Variants in RAB11FIP5 observed in about 807,000 individuals in gnomAD.
RAB11FIP5 encodes the protein RAB11 family interacting protein 5.
A neutral mutation model predicts 85.1 loss-of-function variants in RAB11FIP5; 48 were observed. The observed-to-expected ratio is 0.56, with a 90% CI of 0.45 to 0.72. The LOEUF is 0.72. Among genes scored for constraint, RAB11FIP5 ranks in the 30% least tolerant of loss-of-function variants. The pLI, the probability that RAB11FIP5 is intolerant of heterozygous loss-of-function variation, is 0.00. For missense variants in RAB11FIP5, 1,491 were observed against 1,687.0 expected (o/e 0.88, Z 2.04); for synonymous variants, 729 against 727.3 (o/e 1.00, Z -0.04).
chr2:73,091,888 G>A (rs558058812), intron 1 of RAB11FIP5, among the ~76,000 whole-genome samples: 2 of 152,318 alleles, frequency 1.3e-5, no homozygotes, highest in East Asian at 1.9e-4. Context: ...GGCCGGGTAG[G>A]AACAGATGGT....
In RAB11FIP5 at chr2:73,079,634, T is replaced by C; in HGVS notation, c.3581+17A>G. 8.1e-7 allele frequency: 1 copy of C among 1,232,830 alleles called. No homozygotes were observed. The highest frequency in any genetic ancestry group is 1.5e-5 in the African/African-American group (1 of 64,552). 76.4% of individuals were successfully genotyped at this position (1,232,830 alleles called of 1,614,324 possible). A position where few individuals can be genotyped will look rare whatever the true frequency, so the allele number is the denominator to read the frequency against. On this transcript the variant is annotated intron_variant, in intron 4 of 5. Transcript: ENST00000486777. ...ACCCCCTTCCTCCTGGACAGTGTTC[T>C]GGGGGTGGATGCTCACCTGGCACTG...
chr2:73,109,136 G>A (rs921057603), intron 1 of RAB11FIP5, among the ~76,000 whole-genome samples: 3 of 152,154 alleles, frequency 2.0e-5, no homozygotes, highest in Non-Finnish European at 2.9e-5. Context: ...GGAACATGAC[G>A]ATCCATGGAC....
chr2:73,096,376 T>G (rs1684320039), intron 1 of RAB11FIP5, among the ~76,000 whole-genome samples: 1 of 152,152 alleles, frequency 6.6e-6, no homozygotes, highest in African/African-American at 2.4e-5. Context: ...CACATACCCA[T>G]GCAAGTGCCA....
rs776584294 is a variant in RAB11FIP5 at position 73,089,037 on chromosome 2, C to A, written c.710G>T (p.Arg237Leu). ...KMGKAKGFFL[R>L]NKLRKSSLTQ... is the part of the protein sequence containing the mutation. ...CAGGGACGACTTGCGCAGCTTGTTGCGGAGGAAGAAGCCTTTGGCTTTGCC... is the reference window on the plus strand; with the variant it reads ...CAGGGACGACTTGCGCAGCTTGTTGAGGAGGAAGAAGCCTTTGGCTTTGCC... Residue 237 changes from arginine (R) to leucine (L), a missense_variant, in exon 2 of 6, where the codon CGC (arginine) becomes CTC (leucine). By Grantham distance (102) the Arg-to-Leu change is moderately radical. This residue lies in a region of RAB11FIP5 where 1,211 missense variants were observed against 1,338.0 expected (regional missense o/e 0.91). Transcript: ENST00000486777. This position sits in a 1 kb window ranked among gnomAD's most constrained non-coding sequence, Gnocchi z 4.6. 3 of 1,614,070 alleles carry A rather than the reference C, an allele frequency of 1.9e-6. No homozygotes were observed. The African/African-American group carries it at 4.0e-5, about 22-fold the overall frequency.
At position 73,080,516 on chromosome 2, in the gene RAB11FIP5, G is replaced by A. The variant is rs1407355668; in HGVS notation, c.2716C>T (p.Arg906Cys). 9.7e-6 allele frequency: 12 copies of A among 1,232,950 alleles called. No individual in the cohort carries two copies. The highest frequency in any genetic ancestry group is 8.4e-5 in the Admixed American group (2 of 23,720). 76.4% of individuals were successfully genotyped at this position (1,232,950 alleles called of 1,614,324 possible). A position where few individuals can be genotyped will look rare whatever the true frequency, so the allele number is the denominator to read the frequency against. Residue 906 changes from arginine (R) to cysteine (C), a missense_variant, in exon 4 of 6, where the codon CGC becomes TGC. Physicochemically the swap from Arg to Cys is radical, Grantham distance 180 (BLOSUM62 -3). Around this residue, in one of 3 missense-constraint regions of RAB11FIP5, gnomAD observed 1,211 missense variants for 1,338.0 expected, o/e 0.91. Transcript: ENST00000486777. ...QPSTPPPKPP[R>C]LFTPSRSQEE... ...TGGGATCTTGAGGGTGTGAAGAGGC[G>A]CGGTGGCTTGGGAGGTGGGGTGCTG...
At chr2:73,090,971 C>T (rs535176431) in intron 1 of RAB11FIP5, among the ~76,000 whole-genome samples, 3 of 152,098 alleles carry the variant, frequency 2.0e-5, no homozygotes, top group East Asian at 1.9e-4. Context: ...GAAGAAATGG[C>T]GGTGGGGGCG....
chr2:73,080,067 CACA>C lies in RAB11FIP5; in HGVS notation c.3162_3164del (p.Asp1054_Val1055delinsGlu). 1 of 1,232,222 alleles carries C rather than the reference CACA, an allele frequency of 8.1e-7. No individual in the cohort carries two copies. Among genetic ancestry groups the C allele is most frequent in the Non-Finnish European group, 1.0e-6 (1 of 988,018 alleles). The allele number at this position is 1,232,222 out of a possible 1,614,324, so 76.3% of individuals were successfully genotyped here. ...TCAAGGCATCTTCCTTGGAGACCCA[CACA>C]TCAGCCTGCTGGGAGGTGGCTGACA... On this transcript the variant is annotated inframe_deletion, in exon 4 of 6. Coordinates refer to ENST00000486777, the MANE Select transcript of RAB11FIP5 (RefSeq NM_001371272.1).
Position 73,079,982 on chromosome 2 carries a change from C to G in RAB11FIP5, c.3250G>C (p.Gly1084Arg). 1 of 1,232,226 alleles carries G rather than the reference C, an allele frequency of 8.1e-7. No individual in the cohort carries two copies. Among genetic ancestry groups the G allele is most frequent in the Non-Finnish European group, 1.0e-6 (1 of 988,034 alleles). 76.3% of individuals were successfully genotyped at this position (1,232,226 alleles called of 1,614,324 possible). A position where few individuals can be genotyped will look rare whatever the true frequency, so the allele number is the denominator to read the frequency against. ...PPSLSSASPP[G>R]SRESSIHSGP... is the part of the protein sequence containing the mutation. ...GAATGAATAGAAGATTCCCTCGACCCTGGCGGGGATGCAGATGAGAGGCTG... is the reference window on the plus strand; with the variant it reads ...GAATGAATAGAAGATTCCCTCGACCGTGGCGGGGATGCAGATGAGAGGCTG... Residue 1084 changes from glycine to arginine, a missense_variant, in exon 4 of 6, where the codon GGG becomes CGG. Gly to Arg is a moderately radical substitution (Grantham distance 125, BLOSUM62 -2). Coordinates refer to ENST00000486777, the MANE Select transcript of RAB11FIP5 (RefSeq NM_001371272.1).
In RAB11FIP5 at chr2:73,089,427, C is replaced by T. The variant is rs750593821; in HGVS notation, c.432-112G>A. 1 of 1,118,670 alleles carries T rather than the reference C, an allele frequency of 8.9e-7. No individual in the cohort carries two copies. The highest frequency in any genetic ancestry group is 2.3e-5 in the East Asian group (1 of 42,656). 69.3% of individuals were successfully genotyped at this position (1,118,670 alleles called of 1,614,324 possible). A position where few individuals can be genotyped will look rare whatever the true frequency, so the allele number is the denominator to read the frequency against. ...CCTTGCTCTGAGAGCCACTGATAGC[C>T]TCTCCCCAAAGGCTCCTGCTCTGAC... On this transcript the variant is annotated intron_variant, in intron 1 of 5. Transcript: ENST00000486777. The surrounding 1 kb of genome is among the most constrained non-coding windows in gnomAD (Gnocchi z 4.6).
chr2:73,091,797 G>A (rs1174826398), intron 1 of RAB11FIP5, among the ~76,000 whole-genome samples: 15 of 152,154 alleles, frequency 9.9e-5, no homozygotes, highest in Admixed American at 9.2e-4. Context: ...TCCCCTCCGT[G>A]GAGACCTACT....
Position 73,081,643 on chromosome 2 carries a change from A to G in RAB11FIP5, c.1589T>C (p.Val530Ala). The change falls in exon 4 of 6, where the codon GTA becomes GCA. Residue 530 changes from valine (V) to alanine (A), a missense_variant. Val to Ala is a moderately conservative substitution (Grantham distance 64, BLOSUM62 0). Coordinates refer to ENST00000486777, the MANE Select transcript of RAB11FIP5 (RefSeq NM_001371272.1). The surrounding 1 kb of genome is among the most constrained non-coding windows in gnomAD (Gnocchi z 4.2). ...QKPSLDVSPQ[V>A]ESDPAALPHH... ...AGGAAGAGCAGCTGGGTCAGATTCT[A>G]CCTGAGGAGACACGTCCAGGCTGTG... is the stretch of plus-strand genomic sequence containing the variant. The G allele has an allele frequency of 8.1e-7, 1 of 1,231,306 alleles. No individual in the cohort carries two copies. The highest frequency in any genetic ancestry group is 3.2e-5 in the East Asian group (1 of 31,710). The allele number at this position is 1,231,306 out of a possible 1,614,324, so 76.3% of individuals were successfully genotyped here. A position where few individuals can be genotyped will look rare whatever the true frequency, so the allele number is the denominator to read the frequency against.
intron 3 of RAB11FIP5, among the ~76,000 whole-genome samples, chr2:73,082,623 G>C (rs1328113929): frequency 6.6e-6 from 1 of 152,218 alleles, no homozygotes; most frequent in African/African-American, 2.4e-5. Flanking sequence ...GTCTGCCAAG[G>C]CTGGCAGTGT....
At position 73,088,253 on chromosome 2, in the gene RAB11FIP5, C is replaced by T; in HGVS notation, c.1365G>A (p.Lys455=). ...EAVAEKEGAR[K]EERKPRMGLF... ...GACCCATCCGGGGCTTGCGTTCCTC[C>T]TTCCGGGCTCCCTCCTTCTCTGCCA... is the stretch of plus-strand genomic sequence containing the variant. The change falls in exon 3 of 6, where the codon AAG becomes AAA. Residue 455 remains lysine (K), a synonymous_variant. Coordinates refer to ENST00000486777, the MANE Select transcript of RAB11FIP5 (RefSeq NM_001371272.1). The T allele has an allele frequency of 3.1e-6, 5 of 1,613,958 alleles. No homozygotes were observed. Among genetic ancestry groups the T allele is most frequent in the South Asian group, 1.1e-5 (1 of 91,086 alleles).
Position 73,078,011 on chromosome 2 carries a change from T to C in RAB11FIP5, c.3581+1640A>G, listed in dbSNP as rs1683896633. The stretch of plus-strand genomic sequence containing the variant: ...ATTCATTCTCACAAATCGGGAAGAG[T>C]GGCAGAGCACCCATGCTCTGGGCAG... On this transcript the variant is annotated intron_variant, in intron 4 of 5. Transcript: ENST00000486777. The surrounding 1 kb of genome is among the most constrained non-coding windows in gnomAD (Gnocchi z 4.4). Among the ~76,000 whole-genome samples, 1 of 152,018 alleles carries C rather than the reference T, an allele frequency of 6.6e-6. No individual in the cohort carries two copies. The highest frequency in any genetic ancestry group is 2.1e-4 in the South Asian group (1 of 4,818).
At chr2:73,111,889 G>A (rs753223099) in intron 1 of RAB11FIP5, among the ~76,000 whole-genome samples, 1 of 152,164 alleles carries the variant, frequency 6.6e-6, no homozygotes, top group Non-Finnish European at 1.5e-5. Context: ...TCGCCCTGGA[G>A]GAAGACACCT....
chr2:73,102,124 G>C (rs113998038), intron 1 of RAB11FIP5, among the ~76,000 whole-genome samples: 1,648 of 152,246 alleles, frequency 0.011, 29 homozygotes, highest in African/African-American at 0.037. Context: ...AGGCGAGGAG[G>C]GGGTAGGGAG....
chr2:73,108,675 C>T (rs956887675), intron 1 of RAB11FIP5, among the ~76,000 whole-genome samples: 1 of 152,224 alleles, frequency 6.6e-6, no homozygotes, highest in Non-Finnish European at 1.5e-5. Flanking sequence ...ACAAGGAAAA[C>T]TAACTAACCA....
chr2:73,104,428 C>T (rs1365632471), intron 1 of RAB11FIP5, among the ~76,000 whole-genome samples: 4 of 151,924 alleles, frequency 2.6e-5, no homozygotes, highest in South Asian at 4.2e-4. Context: ...ATTAGCTGGG[C>T]GTGGTGGCAC....
intron 3 of RAB11FIP5, among the ~76,000 whole-genome samples, chr2:73,087,767 C>T (rs1684116631): frequency 1.3e-5 from 2 of 152,294 alleles, no homozygotes; most frequent in South Asian, 4.1e-4. Context: ...CCCTCCAGCT[C>T]AGGGGGTGGG....
Sources: gnomAD v4.1 joint callset for allele counts (sites outside exome capture counted in the v4.1 genomes callset) on GRCh38, gnomAD v4.1.1 for gene constraint, gnomAD v4.1.1 regional missense constraint, Gnocchi (gnomAD v3.1) non-coding constraint, MANE v1.5 for transcripts, NCBI Gene and HGNC (gene_info 2026-07-23, HGNC 2026-07-21) for gene names.